STK3: variants seen among roughly 807,000 people sequenced by gnomAD.
STK3 encodes serine/threonine kinase 3.
STK3 carries 41 observed loss-of-function variants against 58.0 expected under a neutral mutation model. The ratio of observed to expected loss-of-function variants is 0.71; its 90% CI spans 0.55 to 0.92. The LOEUF is 0.92. Ranked by LOEUF, STK3 falls within the 40% of genes least tolerant of loss-of-function variation. The probability of loss-of-function intolerance (pLI) is 0.00; values close to 1 mark genes in which losing one functional copy is unlikely to be tolerated. For synonymous variants in STK3, 170 were observed against 191.0 expected (o/e 0.89, Z 0.91); for missense variants, 479 against 602.7 (o/e 0.79, Z 2.15).
At chr8:98,837,243 T>C (rs1338097203) in intron 3 of STK3, among the ~76,000 whole-genome samples, 1 of 151,376 alleles carries the variant, frequency 6.6e-6, no homozygotes, top group Non-Finnish European at 1.5e-5. Flanking sequence ...GTTGAAGATA[T>C]AGAGTATATA....
chr8:98,740,349 G>A (rs1829083374), intron 4 of STK3, among the ~76,000 whole-genome samples: 1 of 152,158 alleles, frequency 6.6e-6, no homozygotes, highest in South Asian at 2.1e-4. Flanking sequence ...AGAGAGAAAG[G>A]TCGGGTTACC....
At chr8:98,824,466 T>G (rs1835119791) in intron 1 of STK3, among the ~76,000 whole-genome samples, 1 of 152,216 alleles carries the variant, frequency 6.6e-6, no homozygotes, top group East Asian at 1.9e-4. Context: ...AAGAAAAAAG[T>G]GCCCAATTCT....
At chr8:98,534,563 T>C (rs1189508662) in intron 9 of STK3, among the ~76,000 whole-genome samples, 1 of 152,200 alleles carries the variant, frequency 6.6e-6, no homozygotes, top group Non-Finnish European at 1.5e-5. Flanking sequence ...GTCTATGGTG[T>C]TCATCTTCAA....
chr8:98,643,689 T>G (rs983214504), intron 6 of STK3, among the ~76,000 whole-genome samples: 13 of 152,186 alleles, frequency 8.5e-5, no homozygotes, highest in Admixed American at 2.0e-4. Flanking sequence ...AAGTGGCTGA[T>G]GCACAACAAA....
intron 2 of STK3, chr8:98,371,755 C>A (rs993819850): frequency 2.6e-5 from 4 of 152,192 alleles, no homozygotes; most frequent in Admixed American, 1.3e-4. Flanking sequence ...ACTGCTGGAA[C>A]CTTCGTCTCA....
At chr8:98,484,453 T>A (rs895467565) in intron 10 of STK3, among the ~76,000 whole-genome samples, 2 of 152,146 alleles carry the variant, frequency 1.3e-5, no homozygotes, top group Non-Finnish European at 2.9e-5. Flanking sequence ...AACCCCCAGC[T>A]ACCAAACTCA....
At chr8:98,710,338 C>T (rs899009248) in intron 4 of STK3, among the ~76,000 whole-genome samples, 19 of 152,250 alleles carry the variant, frequency 1.2e-4, no homozygotes, top group African/African-American at 3.6e-4. Context: ...TGAAGCAGGG[C>T]GGGGCATCAC....
intron 9 of STK3, among the ~76,000 whole-genome samples, chr8:98,538,607 A>T (rs1352304101): frequency 6.6e-6 from 1 of 152,228 alleles, no homozygotes; most frequent in Non-Finnish European, 1.5e-5. Flanking sequence ...AAATAAAAGG[A>T]AGGAGTTCCT....
intron 8 of STK3, among the ~76,000 whole-genome samples, chr8:98,555,719 T>C (rs911234609): frequency 5.9e-5 from 9 of 152,150 alleles, no homozygotes; most frequent in Non-Finnish European, 1.0e-4. Context: ...TATAGTGGTC[T>C]AAATATTTTT....
At chr8:98,415,887 C>T (rs1452523744) in intron 3 of STK3, among the ~76,000 whole-genome samples, 1 of 152,114 alleles carries the variant, frequency 6.6e-6, no homozygotes, top group Non-Finnish European at 1.5e-5. Context: ...GAGACTCTGC[C>T]ATAGGAGACA....
rs3085954 is a variant in STK3, at chr8:98,906,989, T to TAAAAAA, written c.-78-23161_-78-23156dup. Among the ~76,000 whole-genome samples, 201 of 94,766 alleles carry TAAAAAA rather than the reference T, an allele frequency of 2.1e-3. 2 individuals are homozygous for TAAAAAA. Among genetic ancestry groups the TAAAAAA allele is most frequent in the African/African-American group, 5.2e-3 (124 of 23,918 alleles). 62.2% of individuals were successfully genotyped at this position (94,766 alleles called of 152,430 possible). ...ATAGGGATAACCCCATCTCTACCAA[T>TAAAAAA]AAAAAAAAAAAAAAAAAAATTAGCC... On this transcript the variant is annotated intron_variant, in intron 1 of 1. Transcript: ENST00000519420.
chr8:98,528,753 C>T lies in STK3; in HGVS notation c.1142-1836G>A, dbSNP rs555276343. Among the ~76,000 whole-genome samples, 3 of 152,236 alleles carry T rather than the reference C, an allele frequency of 2.0e-5. No homozygotes were observed. In the South Asian group the frequency reaches 6.2e-4, roughly 32 times the overall value. ...GGGGAGTACACCTCCCCACAAGGGA[C>T]CCTGATGGGCAACTGTAAGTTACAA... On this transcript the variant is annotated intron_variant, in intron 9 of 10. Transcript: ENST00000419617.
intron 6 of STK3, among the ~76,000 whole-genome samples, chr8:98,687,510 G>A (rs148010548): frequency 3.3e-5 from 5 of 152,232 alleles, no homozygotes; most frequent in East Asian, 3.9e-4. Context: ...TTCATGGACC[G>A]GTACCAGTCT....
intron 1 of STK3, among the ~76,000 whole-genome samples, chr8:98,918,524 C>G (rs1209831196): frequency 1.3e-5 from 2 of 152,158 alleles, no homozygotes; most frequent in Non-Finnish European, 2.9e-5. Context: ...AATCCCAGCA[C>G]TTTGGGAGGC....
chr8:98,778,435 C>A (rs1049027680), intron 1 of STK3, among the ~76,000 whole-genome samples: 2 of 151,740 alleles, frequency 1.3e-5, no homozygotes, highest in Admixed American at 6.6e-5. Context: ...GTTGGTGGGA[C>A]TGTAAACTAG....
chr8:98,665,881 T>C (rs887227037), intron 6 of STK3, among the ~76,000 whole-genome samples: 2 of 151,994 alleles, frequency 1.3e-5, no homozygotes, highest in East Asian at 3.9e-4. Context: ...TTTTTTGTAT[T>C]TTTAGTAGAG....
chr8:98,651,440 T>C (rs1222174970), intron 6 of STK3: 1 of 152,206 alleles, frequency 6.6e-6, no homozygotes, highest in Non-Finnish European at 1.5e-5. Flanking sequence ...GTGCCTATCC[T>C]CCTCCAAAGG....
chr8:98,524,894 A>T (rs1306006146), intron 10 of STK3, among the ~76,000 whole-genome samples: 1 of 152,342 alleles, frequency 6.6e-6, no homozygotes, highest in East Asian at 1.9e-4. Context: ...TTAACCTACA[A>T]AATTGTGGTT....
chr8:98,530,612 G>T (rs1423910938), intron 9 of STK3, among the ~76,000 whole-genome samples: 2 of 152,186 alleles, frequency 1.3e-5, no homozygotes, highest in East Asian at 3.9e-4. Flanking sequence ...CCAGTTTGGG[G>T]TGGCTGTAGT....
Sources: gnomAD v4.1 joint callset for allele counts (sites outside exome capture counted in the v4.1 genomes callset) on GRCh38, gnomAD v4.1.1 for gene constraint, MANE v1.5 for transcripts, NCBI Gene and HGNC (gene_info 2026-07-23, HGNC 2026-07-21) for gene names.